Variants in GRIP1 observed in about 807,000 individuals in gnomAD.
GRIP1 encodes glutamate receptor interacting protein 1.
Under a neutral mutation model 129.9 loss-of-function variants are expected in GRIP1, and 45 were observed. The ratio of observed to expected loss-of-function variants is 0.35; its 90% CI spans 0.27 to 0.44. The LOEUF (loss-of-function observed/expected upper bound fraction) is 0.44. GRIP1 is among the 20% of genes least tolerant of loss of function. The pLI is 1.00. For missense variants in GRIP1, 1,196 were observed against 1,396.8 expected, an observed-to-expected ratio of 0.86 and a Z score of 2.29; for synonymous variants, 530 against 520.8, an observed-to-expected ratio of 1.02 and a Z score of -0.24.
chr12:66,720,270 T>C (rs775945744), intron 1 of GRIP1, among the ~76,000 whole-genome samples: 6 of 152,182 alleles, frequency 3.9e-5, no homozygotes, highest in South Asian at 2.1e-4. Flanking sequence ...GCAATGTACA[T>C]ACCCTAATTA....
At chr12:66,758,574 A>T (rs1450988067) in intron 1 of GRIP1, among the ~76,000 whole-genome samples, 2 of 152,104 alleles carry the variant, frequency 1.3e-5, no homozygotes, top group African/African-American at 2.4e-5. Flanking sequence ...CATTAACCCA[A>T]AAGTCCATAG....
chr12:66,997,373 G>T (rs1027565189), intron 1 of GRIP1, among the ~76,000 whole-genome samples: 1 of 152,032 alleles, frequency 6.6e-6, no homozygotes, highest in Admixed American at 6.6e-5. Flanking sequence ...GAGCCCAGGA[G>T]TTCAAGGCCA....
At chr12:67,027,421 C>T (rs1344714970) in intron 1 of GRIP1, among the ~76,000 whole-genome samples, 1 of 152,182 alleles carries the variant, frequency 6.6e-6, no homozygotes, top group Non-Finnish European at 1.5e-5. Context: ...CCAGTCCGTC[C>T]ATCCATTCAT....
intron 13 of GRIP1, among the ~76,000 whole-genome samples, chr12:66,436,625 T>C (rs1819688481): frequency 6.6e-6 from 1 of 152,180 alleles, no homozygotes; most frequent in South Asian, 2.1e-4. Context: ...TAAGCACCTT[T>C]TACTTAAAAC....
At chr12:66,431,600 A>G (rs1268589384) in intron 14 of GRIP1, among the ~76,000 whole-genome samples, 1 of 152,248 alleles carries the variant, frequency 6.6e-6, no homozygotes, top group African/African-American at 2.4e-5. Flanking sequence ...GCTATCCAAC[A>G]GAGTGCAGTG....
intron 19 of GRIP1, among the ~76,000 whole-genome samples, chr12:66,383,827 C>T (rs970703160): frequency 1.3e-5 from 2 of 152,194 alleles, no homozygotes; most frequent in Non-Finnish European, 2.9e-5. Flanking sequence ...TCTCTCAAAG[C>T]TAAGTGCAAC....
At chr12:66,772,591 A>G (rs1451156858) in intron 1 of GRIP1, among the ~76,000 whole-genome samples, 1 of 152,278 alleles carries the variant, frequency 6.6e-6, no homozygotes, top group East Asian at 1.9e-4. Context: ...GGAAAAAGCT[A>G]CTATTACTAA....
At chr12:66,383,287 A>G (rs1295338079) in intron 19 of GRIP1, among the ~76,000 whole-genome samples, 2 of 141,272 alleles carry the variant, frequency 1.4e-5, no homozygotes, top group Non-Finnish European at 1.5e-5. Context: ...ACAGAGCGAC[A>G]CTCTGTCTCA....
chr12:66,755,600 C>T (rs188891306), intron 1 of GRIP1, among the ~76,000 whole-genome samples: 50 of 152,230 alleles, frequency 3.3e-4, no homozygotes, highest in African/African-American at 1.1e-3. Flanking sequence ...CCACCACCAG[C>T]GTCACCTGCT....
At chr12:66,383,670 A>G (rs1024133484) in intron 19 of GRIP1, among the ~76,000 whole-genome samples, 6 of 152,182 alleles carry the variant, frequency 3.9e-5, no homozygotes, top group Non-Finnish European at 8.8e-5. Flanking sequence ...GATGGAGGCA[A>G]GAAAAGGCAT....
intron 2 of GRIP1, among the ~76,000 whole-genome samples, chr12:66,544,702 A>G (rs1230955347): frequency 2.0e-5 from 3 of 152,168 alleles, no homozygotes; most frequent in Non-Finnish European, 4.4e-5. Context: ...CTGGTCCCAG[A>G]AGAATTGACT....
chr12:66,774,829 T>A (rs1051765609), intron 1 of GRIP1, among the ~76,000 whole-genome samples: 1 of 152,154 alleles, frequency 6.6e-6, no homozygotes, highest in Non-Finnish European at 1.5e-5. Flanking sequence ...CTAATGACCA[T>A]AAACAAGTTT....
chr12:66,574,786 T>TC (rs1739564638), intron 2 of GRIP1, among the ~76,000 whole-genome samples: 2 of 147,756 alleles, frequency 1.4e-5, no homozygotes, highest in African/African-American at 5.0e-5. Flanking sequence ...TTCCCACTTT[T>TC]CTTTTTTTTT....
At chr12:66,729,426 T>C (rs184803506) in intron 1 of GRIP1, among the ~76,000 whole-genome samples, 1 of 152,342 alleles carries the variant, frequency 6.6e-6, no homozygotes, top group Admixed American at 6.5e-5. Context: ...TGTTATGCAC[T>C]TAACATTACA....
chr12:66,732,316 C>T (rs979224281), intron 1 of GRIP1, among the ~76,000 whole-genome samples: 4 of 152,108 alleles, frequency 2.6e-5, no homozygotes, highest in Admixed American at 1.3e-4. Context: ...TTTGAGGGGG[C>T]TGAAGCCAGA....
intron 1 of GRIP1, among the ~76,000 whole-genome samples, chr12:66,619,796 G>C (rs575812027): frequency 2.0e-5 from 3 of 152,234 alleles, no homozygotes; most frequent in South Asian, 2.1e-4. Context: ...TCCAGTGAAA[G>C]AGCAACATCC....
intron 1 of GRIP1, among the ~76,000 whole-genome samples, chr12:66,622,998 G>C (rs1232155253): frequency 6.6e-6 from 1 of 152,160 alleles, no homozygotes; most frequent in East Asian, 1.9e-4. Flanking sequence ...TGAATTCCAT[G>C]AGGACATTGA....
chr12:66,529,899 C>T lies in GRIP1; in HGVS notation c.434G>A (p.Ser145Asn). ...ELPPVSVQGSSVIFRTVEVTL... is the reference protein window; with the variant it reads ...ELPPVSVQGSNVIFRTVEVTL... ...GACCTCCACTGTTCGGAAAATAACACTTGATCCTTGCACAGCTGAATAAAG... is the reference window on the plus strand; with the variant it reads ...GACCTCCACTGTTCGGAAAATAACATTTGATCCTTGCACAGCTGAATAAAG... Residue 145 changes from serine to asparagine, a missense_variant, in exon 5 of 25, where the codon AGT becomes AAT. Physicochemically the swap from Ser to Asn is conservative, Grantham distance 46. Around this residue, in one of 5 missense-constraint regions of GRIP1, gnomAD observed 217 missense variants for 224.8 expected, o/e 0.97. Transcript: ENST00000359742. The T allele has an allele frequency of 1.3e-6, 2 of 1,590,890 alleles. No homozygotes were observed. Among genetic ancestry groups the T allele is most frequent in the Non-Finnish European group, 8.6e-7 (1 of 1,158,770 alleles).
At chr12:67,062,985 A>G (rs1372464332) in intron 1 of GRIP1, among the ~76,000 whole-genome samples, 1 of 152,240 alleles carries the variant, frequency 6.6e-6, no homozygotes, top group Non-Finnish European at 1.5e-5. Context: ...TAAACATACC[A>G]TTAAAATGGT....
Sources: gnomAD v4.1 joint callset for allele counts (sites outside exome capture counted in the v4.1 genomes callset) on GRCh38, gnomAD v4.1.1 for gene constraint, gnomAD v4.1.1 regional missense constraint, MANE v1.5 for transcripts, NCBI Gene and HGNC (gene_info 2026-07-23, HGNC 2026-07-21) for gene names.